The following ARAP2 variants were observed in gnomAD, a reference collection of about 807,000 sequenced individuals.
The protein encoded by ARAP2 is arf-GAP with Rho-GAP domain, ANK repeat and PH domain-containing protein 2.
In ARAP2, 148 loss-of-function variants were observed where a neutral mutation model predicts 194.5. That is an observed-to-expected ratio of 0.76 (90% CI 0.67 to 0.87). ARAP2 has a LOEUF of 0.87. Ranked by LOEUF, ARAP2 falls within the 40% of genes least tolerant of loss-of-function variation. The pLI is 0.00. For missense variants in ARAP2, 2,128 were observed against 1,989.7 expected, an observed-to-expected ratio of 1.07 and a Z score of -1.32; for synonymous variants, 695 against 683.5, an observed-to-expected ratio of 1.02 and a Z score of -0.26.
At position 36,229,030 on chromosome 4, in the gene ARAP2, A is replaced by G. The variant is rs1299333275; in HGVS notation, c.457T>C (p.Phe153Leu). 4 of 1,614,130 alleles carry G rather than the reference A, an allele frequency of 2.5e-6. No homozygotes were observed. The highest frequency in any genetic ancestry group is 3.4e-6 in the Non-Finnish European group (4 of 1,179,994). The change falls in exon 2 of 33, where the codon TTC becomes CTC. Residue 153 changes from phenylalanine (F) to leucine (L), a missense_variant. Coordinates refer to ENST00000303965, the MANE Select transcript of ARAP2 (RefSeq NM_015230.4). ...DDKLSPPKRD[F>L]PTAEEPHLNL... Reference sequence around the variant, plus strand: ...AGGTGTGGTTCCTCTGCAGTGGGGAAGTCGCGTTTAGGAGGAGACAGCTTA... The same window carrying G: ...AGGTGTGGTTCCTCTGCAGTGGGGAGGTCGCGTTTAGGAGGAGACAGCTTA...
At chr4:36,116,665 T>C (rs1188782295) in intron 25 of ARAP2, among the ~76,000 whole-genome samples, 1 of 151,748 alleles carries the variant, frequency 6.6e-6, no homozygotes, top group East Asian at 1.9e-4. Context: ...GTGCTAAGGG[T>C]TTTACATGCA....
chr4:36,005,542 T>C (rs903618623), intron 10 of ARAP2: 7 of 152,042 alleles, frequency 4.6e-5, no homozygotes, highest in Admixed American at 4.6e-4. Context: ...ATAGAATAAA[T>C]TGAGTAAGGT....
At chr4:36,138,349 A>G (rs557978487) in intron 19 of ARAP2, among the ~76,000 whole-genome samples, 2 of 151,844 alleles carry the variant, frequency 1.3e-5, no homozygotes, top group Admixed American at 6.6e-5. Flanking sequence ...ATGTTCACTC[A>G]TAACTCTTTG....
chr4:36,164,859 C>T (rs1734904440), intron 11 of ARAP2, 55 bp downstream of exon 11: 2 of 1,531,698 alleles, frequency 1.3e-6, no homozygotes, highest in South Asian at 1.1e-5. Context: ...CAATGAAGAG[C>T]ATTCAATGCC....
chr4:36,152,702 T>C (rs1731289741), intron 15 of ARAP2, among the ~76,000 whole-genome samples: 1 of 151,778 alleles, frequency 6.6e-6, no homozygotes, highest in African/African-American at 2.4e-5. Context: ...GAAAAATGTC[T>C]ATAAAATAAT....
In ARAP2 at chr4:36,166,943, G is replaced by A; in HGVS notation, c.1962C>T (p.Tyr654=). The A allele has an allele frequency of 1.3e-6, 2 of 1,594,352 alleles. No homozygotes were observed. Among genetic ancestry groups the A allele is most frequent in the Non-Finnish European group, 1.7e-6 (2 of 1,170,478 alleles). ...VKQSFEIITP[Y]RSFSFTAETE... ...TAAAAATAGCTTACCTGAAACTCCTGTAGGGAGTGATTATTTCAAAAGATT... is the reference window on the plus strand; with the variant it reads ...TAAAAATAGCTTACCTGAAACTCCTATAGGGAGTGATTATTTCAAAAGATT... The change falls in exon 10 of 33, where the codon TAC becomes TAT. Residue 654 remains tyrosine (Y), a synonymous_variant. Coordinates refer to ENST00000303965, the MANE Select transcript of ARAP2 (RefSeq NM_015230.4).
chr4:36,229,588 A>T lies in ARAP2; in HGVS notation c.-102T>A. ...ACTGGCTTTTCCTCTATCAATTGTG[A>T]CAGAAAAGTTTCTTAAAATGTTATT... On this transcript the variant is annotated 5_prime_UTR_variant, in exon 2 of 33. Coordinates refer to ENST00000303965, the MANE Select transcript of ARAP2 (RefSeq NM_015230.4). 1.1e-6 allele frequency: 1 copy of T among 901,446 alleles called. No homozygotes were observed. Among genetic ancestry groups the T allele is most frequent in the Non-Finnish European group, 1.6e-6 (1 of 611,372 alleles). 55.8% of individuals were successfully genotyped at this position (901,446 alleles called of 1,614,324 possible).
rs1397411227 is a variant in ARAP2, at chr4:36,092,729, CT to C, written c.4286-710del. Among the ~76,000 whole-genome samples the C allele has an allele frequency of 3.3e-5, 5 of 152,078 alleles. No individual in the cohort carries two copies. The East Asian group carries it at 9.7e-4, about 29-fold the overall frequency. On this transcript the variant is annotated intron_variant, in intron 27 of 32. Coordinates refer to ENST00000303965, the MANE Select transcript of ARAP2 (RefSeq NM_015230.4). ...AACATACTGGTAATTTTACCTGTTT[CT>C]TTTTACTTTTTTCTAATGTGGCTAC...
chr4:36,037,914 G>A (rs556783613), intron 5 of ARAP2, among the ~76,000 whole-genome samples: 5 of 152,280 alleles, frequency 3.3e-5, no homozygotes, highest in Admixed American at 2.6e-4. Context: ...TTCTTAGAGA[G>A]CTTCTCACTA....
intron 27 of ARAP2, among the ~76,000 whole-genome samples, chr4:36,098,079 C>A (rs1386183928): frequency 6.6e-6 from 1 of 152,012 alleles, no homozygotes; most frequent in Non-Finnish European, 1.5e-5. Context: ...TTTTTCTAAG[C>A]CATTTGAAAA....
At chr4:36,072,667 CA>C (rs34942520) in intron 32 of ARAP2, among the ~76,000 whole-genome samples, 2,691 of 128,640 alleles carry the variant, frequency 0.021, 37 homozygotes, top group South Asian at 0.041. Flanking sequence ...TAAAAAAAAA[CA>C]AAAAAAAAAC....
intron 5 of ARAP2, among the ~76,000 whole-genome samples, chr4:36,030,797 GTTTTTTT>G (rs34777330): frequency 6.2e-5 from 1 of 16,082 alleles, no homozygotes; most frequent in Non-Finnish European, 2.7e-4. Context: ...CATTGTCTAC[GTTTTTTT>G]TTTTTTTTTT....
chr4:36,215,954 A>AT (rs1352546490), intron 2 of ARAP2, among the ~76,000 whole-genome samples: 15 of 152,166 alleles, frequency 9.9e-5, no homozygotes, highest in African/African-American at 3.1e-4. Flanking sequence ...AATAAATGCT[A>AT]TTTTTTTAAG....
intron 5 of ARAP2, among the ~76,000 whole-genome samples, chr4:36,044,090 T>A (rs1185687125): frequency 6.6e-6 from 1 of 152,136 alleles, no homozygotes; most frequent in African/African-American, 2.4e-5. Flanking sequence ...GAACATTTCG[T>A]GGTTTATGTT....
intron 24 of ARAP2, among the ~76,000 whole-genome samples, chr4:36,117,817 A>C (rs1721732621): frequency 6.6e-6 from 1 of 151,678 alleles, no homozygotes; most frequent in Non-Finnish European, 1.5e-5. Context: ...AGACAAAGTG[A>C]AGAAGATGCA....
intron 5 of ARAP2, among the ~76,000 whole-genome samples, chr4:36,045,133 G>C (rs1483883416): frequency 1.3e-5 from 2 of 152,108 alleles, no homozygotes; most frequent in Non-Finnish European, 2.9e-5. Context: ...ACAGTATGGA[G>C]TTTCCTTAAA....
intron 1 of ARAP2, among the ~76,000 whole-genome samples, chr4:36,236,491 C>T (rs1752482098): frequency 6.6e-6 from 1 of 152,076 alleles, no homozygotes. Flanking sequence ...GAGAGCATAC[C>T]ACTGAAAAAT....
At chr4:36,237,870 T>A (rs1194602129) in intron 1 of ARAP2, among the ~76,000 whole-genome samples, 1 of 152,186 alleles carries the variant, frequency 6.6e-6, no homozygotes, top group Non-Finnish European at 1.5e-5. Flanking sequence ...CAAGTATAGA[T>A]AAAGACATGT....
intron 9 of ARAP2, among the ~76,000 whole-genome samples, chr4:36,173,924 C>G (rs1320629602): frequency 9.2e-5 from 14 of 152,176 alleles, no homozygotes; most frequent in Non-Finnish European, 2.1e-4. Context: ...GTAAACTACT[C>G]TTGAGGAACA....
Sources: gnomAD v4.1 joint callset for allele counts (sites outside exome capture counted in the v4.1 genomes callset) on GRCh38, gnomAD v4.1.1 for gene constraint, MANE v1.5 for transcripts, NCBI Gene and HGNC (gene_info 2026-07-23, HGNC 2026-07-21) for gene names.